The following HFM1 variants were observed in gnomAD, a reference collection of about 807,000 sequenced individuals.
HFM1 encodes probable ATP-dependent DNA helicase HFM1.
HFM1 carries 169 observed loss-of-function variants against 192.1 expected under a neutral mutation model. The observed-to-expected ratio is 0.88, with a 90% CI of 0.78 to 1.00. HFM1 has a LOEUF of 1.00. Ranked by LOEUF, HFM1 falls within the 50% of genes least tolerant of loss-of-function variation. The probability of loss-of-function intolerance (pLI) is 0.00; values close to 1 mark genes in which losing one functional copy is unlikely to be tolerated. For synonymous variants in HFM1, 525 were observed against 537.8 expected (o/e 0.98, Z 0.33); for missense variants, 1,661 against 1,668.0 (o/e 1.00, Z 0.07).
At chr1:91,286,646 G>C (rs552248780) in intron 30 of HFM1, among the ~76,000 whole-genome samples, 2 of 151,814 alleles carry the variant, frequency 1.3e-5, no homozygotes, top group Non-Finnish European at 2.9e-5. Context: ...TCACATTCAC[G>C]ACCGAGGAGC....
intron 30 of HFM1, among the ~76,000 whole-genome samples, chr1:91,287,361 C>T (rs1309521708): frequency 2.6e-5 from 4 of 152,132 alleles, no homozygotes; most frequent in Non-Finnish European, 2.9e-5. Context: ...CCCCTGACCC[C>T]CAAGCAGCCT....
At chr1:91,326,467 T>G (rs1261954572) in intron 20 of HFM1, among the ~76,000 whole-genome samples, 1 of 151,664 alleles carries the variant, frequency 6.6e-6, no homozygotes, top group Non-Finnish European at 1.5e-5. Context: ...ATATTTAAAG[T>G]GCTAAAGAAA....
intron 20 of HFM1, among the ~76,000 whole-genome samples, chr1:91,328,027 C>G (rs960590600): frequency 6.6e-6 from 1 of 151,974 alleles, no homozygotes; most frequent in African/African-American, 2.4e-5. Flanking sequence ...AGAAAAATGT[C>G]AAATAAAAAA....
At chr1:91,296,736 T>A (rs1055650487) in intron 30 of HFM1, among the ~76,000 whole-genome samples, 7 of 152,208 alleles carry the variant, frequency 4.6e-5, no homozygotes, top group Non-Finnish European at 1.0e-4. Flanking sequence ...GTCTTGAGCA[T>A]CTTTTGTTAT....
intron 36 of HFM1, among the ~76,000 whole-genome samples, 172 bp from the exon 37 acceptor site, chr1:91,262,764 A>C (rs948388476): frequency 6.6e-6 from 1 of 152,160 alleles, no homozygotes; most frequent in Non-Finnish European, 1.5e-5. Flanking sequence ...TTTCCTTTAG[A>C]CCAAACCATA....
intron 13 of HFM1, among the ~76,000 whole-genome samples, chr1:91,363,561 G>A (rs1341973639): frequency 3.3e-5 from 5 of 150,332 alleles, no homozygotes; most frequent in Non-Finnish European, 7.4e-5. Flanking sequence ...AGGTTGCAGA[G>A]AAAAAGGAAC....
chr1:91,277,509 GT>G (rs1666945694), intron 30 of HFM1, among the ~76,000 whole-genome samples: 6 of 2,920 alleles, frequency 2.1e-3, no homozygotes, highest in Admixed American at 7.1e-3. Context: ...CCTGGTGGGT[GT>G]GTGTGTGTGT....
At chr1:91,390,966 C>G (rs1662910647) in intron 4 of HFM1, among the ~76,000 whole-genome samples, 1 of 152,154 alleles carries the variant, frequency 6.6e-6, no homozygotes, top group African/African-American at 2.4e-5. Flanking sequence ...CAATAACAGA[C>G]AGAGAGCCAA....
chr1:91,400,382 G>A (rs1664168675), intron 2 of HFM1, among the ~76,000 whole-genome samples: 1 of 152,000 alleles, frequency 6.6e-6, no homozygotes, highest in African/African-American at 2.4e-5. Flanking sequence ...TCCTTGTCCT[G>A]AGCTACTCTT....
intron 1 of HFM1, among the ~76,000 whole-genome samples, chr1:91,402,824 A>AT (rs1451392658): frequency 3.3e-5 from 5 of 152,146 alleles, no homozygotes; most frequent in Admixed American, 6.5e-5. Context: ...TAAGGCTAAC[A>AT]TTTATACACT....
rs1648245287 is a variant in HFM1, at chr1:91,299,208, G to C, written c.3391+14141C>G. 5.3e-5 allele frequency among the ~76,000 whole-genome samples: 8 copies of C among 152,164 alleles called. No homozygotes were observed. The South Asian group carries it at 1.2e-3, about 24-fold the overall frequency. On this transcript the variant is annotated intron_variant, in intron 30 of 38. Transcript: ENST00000370425. ...ACACAAAGGCCATTATAATGGTAAA[G>C]GGATCAATTCAACAAGAAGAGCTAA...
At chr1:91,271,867 C>A (rs181003765) in intron 34 of HFM1, among the ~76,000 whole-genome samples, 2 of 152,198 alleles carry the variant, frequency 1.3e-5, no homozygotes, top group East Asian at 3.9e-4. Context: ...CTTTTTCTGG[C>A]CTTGCCATTA....
intron 30 of HFM1, among the ~76,000 whole-genome samples, chr1:91,294,273 G>C (rs2100969223): frequency 6.6e-6 from 1 of 151,978 alleles, no homozygotes; most frequent in Non-Finnish European, 1.5e-5. Flanking sequence ...CACATTCACA[G>C]GTACCAGGGA....
rs1664250053 is a variant in HFM1, at chr1:91,401,006, A to T, written c.71+6T>A. On this transcript the variant is annotated splice_donor_region_variant and intron_variant, in intron 2 of 38. Coordinates refer to ENST00000370425, the MANE Select transcript of HFM1 (RefSeq NM_001017975.6). ...ACTATGCTATCAATCTTTAAGGGAG[A>T]CTTACTTTTCAACTTCATCTGGTTT... is the stretch of plus-strand genomic sequence containing the variant. 1 of 1,427,756 alleles carries T rather than the reference A, an allele frequency of 7.0e-7. No homozygotes were observed. The highest frequency in any genetic ancestry group is 2.1e-5 in the Admixed American group (1 of 46,828). The allele number at this position is 1,427,756 out of a possible 1,614,324, so 88.4% of individuals were successfully genotyped here.
chr1:91,298,835 T>A (rs1192364302), intron 30 of HFM1, among the ~76,000 whole-genome samples: 4 of 152,126 alleles, frequency 2.6e-5, no homozygotes, highest in Non-Finnish European at 5.9e-5. Context: ...TGCAAAAACA[T>A]GCCAAATTGT....
rs756651903 is a variant in HFM1, at chr1:91,347,432, G to A, written c.2251C>T (p.Gln751Ter). The A allele has an allele frequency of 1.9e-6, 3 of 1,571,694 alleles. No individual in the cohort carries two copies. The highest frequency in any genetic ancestry group is 2.6e-6 in the Non-Finnish European group (3 of 1,151,562). ...LNKDGIEAKL[Q>*]ELCLKNLNDL... ...TTTAGAATGAAATGCATCTAACCTT[G>A]TAATTTTGCTTCAATTCCATCTTTG... is the stretch of plus-strand genomic sequence containing the variant. The change falls in exon 19 of 39, where the codon CAA (glutamine) becomes TAA (stop). Residue 751 changes from glutamine to a stop codon, truncating the protein, a stop_gained. Coordinates refer to ENST00000370425, the MANE Select transcript of HFM1 (RefSeq NM_001017975.6). LOFTEE classifies it high-confidence loss of function.
chr1:91,262,206 G>T (rs1665225493), intron 38 of HFM1, 35 bp downstream of exon 38: 8 of 985,986 alleles, frequency 8.1e-6, no homozygotes, highest in Non-Finnish European at 1.2e-5. Flanking sequence ...GTTTTTTATT[G>T]ATATAATCTT....
intron 20 of HFM1, among the ~76,000 whole-genome samples, chr1:91,341,024 A>G (rs751936973): frequency 1.3e-5 from 2 of 152,216 alleles, no homozygotes; most frequent in Non-Finnish European, 2.9e-5. Context: ...ACAGTATTAG[A>G]CAGATCATCA....
In HFM1 at chr1:91,299,510, C is replaced by T. The variant is rs527863455; in HGVS notation, c.3391+13839G>A. Among the ~76,000 whole-genome samples the T allele has an allele frequency of 2.0e-5, 3 of 152,258 alleles. No homozygotes were observed. The South Asian group carries it at 6.2e-4, about 32-fold the overall frequency. On this transcript the variant is annotated intron_variant, in intron 30 of 38. Coordinates refer to ENST00000370425, the MANE Select transcript of HFM1 (RefSeq NM_001017975.6). ...TTGTCAGCACCACACCACACCTATT[C>T]CAAAATTGACCACATAGTTGGAAGT... is the stretch of plus-strand genomic sequence containing the variant.
Sources: allele counts gnomAD v4.1 joint callset (sites outside exome capture counted in the v4.1 genomes callset), GRCh38; gene constraint gnomAD v4.1.1; transcripts MANE v1.5; gene names NCBI Gene and HGNC (gene_info 2026-07-23, HGNC 2026-07-21).